The following RNF10 variants were observed in gnomAD, a reference collection of about 807,000 sequenced individuals.
RNF10 encodes the protein ring finger protein 10.
In RNF10, 38 loss-of-function variants were observed where a neutral mutation model predicts 91.4. The ratio of observed to expected loss-of-function variants is 0.42; its 90% CI spans 0.32 to 0.54. The LOEUF (loss-of-function observed/expected upper bound fraction) is 0.54, where lower values mean the gene tolerates loss of function less well. Among genes scored for constraint, RNF10 ranks in the 20% least tolerant of loss-of-function variants. The probability of loss-of-function intolerance (pLI) is 0.16; values close to 1 mark genes in which losing one functional copy is unlikely to be tolerated. For synonymous variants in RNF10, 364 were observed against 366.3 expected, an observed-to-expected ratio of 0.99 and a Z score of 0.07; for missense variants, 945 against 1,012.0, an observed-to-expected ratio of 0.93 and a Z score of 0.90.
At chr12:120,539,673 A>G (rs1786856274) in intron 1 of RNF10, among the ~76,000 whole-genome samples, 1 of 152,162 alleles carries the variant, frequency 6.6e-6, no homozygotes, top group Non-Finnish European at 1.5e-5. Flanking sequence ...AGACCTTTCC[A>G]TTAGGGAAAT....
chr12:120,539,501 C>T, intron 1 of RNF10: 1 of 1,105,664 alleles, frequency 9.0e-7, no homozygotes, highest in Non-Finnish European at 1.2e-6. Flanking sequence ...CAGCATGAAT[C>T]AGCAGCAGAA....
Position 120,566,953 on chromosome 12 carries a change from C to G in RNF10, c.2014C>G (p.Leu672Val), listed in dbSNP as rs370094183. 1.2e-6 allele frequency: 2 copies of G among 1,608,418 alleles called. No homozygotes were observed. The highest frequency in any genetic ancestry group is 1.7e-6 in the Non-Finnish European group (2 of 1,178,690). ...CCATGGGGCCCTCTCCATTTCTCCT[C>G]TCAGCAGAAGTCCAGGTTCCCATGC... is the stretch of plus-strand genomic sequence containing the variant. The part of the protein sequence containing the change: ...EGHGALSISP[L>V]SRSPGSHADF... The change falls in exon 13 of 17, where the codon CTC (leucine) becomes GTC (valine). Residue 672 changes from leucine to valine, a missense_variant. Leu to Val is a conservative substitution (Grantham distance 32, BLOSUM62 1). Coordinates refer to ENST00000325954, the MANE Select transcript of RNF10 (RefSeq NM_014868.5).
chr12:120,564,422 A>G (rs1393855399), intron 10 of RNF10, among the ~76,000 whole-genome samples: 6 of 152,168 alleles, frequency 3.9e-5, no homozygotes, highest in Admixed American at 3.9e-4. Flanking sequence ...AGATTGCTTG[A>G]GGCTAGGAGT....
chr12:120,563,633 C>T lies in RNF10; in HGVS notation c.1531+10C>T. 6.3e-7 allele frequency: 1 copy of T among 1,585,680 alleles called. No individual in the cohort carries two copies. The highest frequency in any genetic ancestry group is 1.2e-5 in the South Asian group (1 of 86,028). ...TACTACTTTTACCAAGGTGAGGGTG[C>T]CGGAAGAGAGGGCTGGGTTGCCGCA... On this transcript the variant is annotated intron_variant, in intron 9 of 16. Coordinates refer to ENST00000325954, the MANE Select transcript of RNF10 (RefSeq NM_014868.5).
intron 13 of RNF10, among the ~76,000 whole-genome samples, chr12:120,568,020 G>T (rs1193176543): frequency 6.6e-6 from 1 of 152,138 alleles, no homozygotes; most frequent in Admixed American, 6.6e-5. Flanking sequence ...CACTTTGGGA[G>T]GCCAAGGTGG....
At chr12:120,568,460 G>T (rs1876105567) in intron 13 of RNF10, among the ~76,000 whole-genome samples, 1 of 150,680 alleles carries the variant, frequency 6.6e-6, no homozygotes, top group Admixed American at 6.8e-5. Flanking sequence ...CATCTGCCTG[G>T]CACATGGTTT....
In RNF10 at chr12:120,574,936, CAA is replaced by C; in HGVS notation, c.2143-688_2143-687del. ...GAGCGAAACTCCATCTCGAACAAAA[CAA>C]AAAAAACTGGAGGGTACTAGGCCGG... On this transcript the variant is annotated intron_variant, in intron 14 of 16. Coordinates refer to ENST00000325954, the MANE Select transcript of RNF10 (RefSeq NM_014868.5). The C allele has an allele frequency of 1.7e-5, 3 of 171,936 alleles. 1 individual carries two copies. Among genetic ancestry groups the C allele is most frequent in the Non-Finnish European group, 3.5e-5 (3 of 85,196 alleles). 10.7% of individuals were successfully genotyped at this position (171,936 alleles called of 1,614,324 possible). A position where few individuals can be genotyped will look rare whatever the true frequency, so the allele number is the denominator to read the frequency against.
intron 12 of RNF10, among the ~76,000 whole-genome samples, chr12:120,566,300 C>T (rs900537879): frequency 2.0e-5 from 3 of 152,086 alleles, no homozygotes; most frequent in African/African-American, 7.2e-5. Flanking sequence ...ATGTAATTAA[C>T]CTGCATGTTT....
At chr12:120,566,102 C>G (rs113611687) in intron 12 of RNF10, among the ~76,000 whole-genome samples, 3 of 152,128 alleles carry the variant, frequency 2.0e-5, no homozygotes, top group Non-Finnish European at 4.4e-5. Flanking sequence ...AAAAGGACTT[C>G]GGTGTTTTGA....
chr12:120,564,539 C>T (rs1875383461), intron 10 of RNF10, among the ~76,000 whole-genome samples: 1 of 152,100 alleles, frequency 6.6e-6, no homozygotes, highest in Admixed American at 6.6e-5. Flanking sequence ...GCAGAAGGAT[C>T]ACCTGAGCTG....
chr12:120,559,119 T>G (rs916357677), intron 6 of RNF10, among the ~76,000 whole-genome samples: 2 of 151,480 alleles, frequency 1.3e-5, no homozygotes, highest in African/African-American at 4.8e-5. Flanking sequence ...AATTTTTTAT[T>G]TTTATTTTTA....
In RNF10 at chr12:120,539,136, TTTTC is replaced by T. The variant is rs573930167; in HGVS notation, c.157+4175_157+4178del. On this transcript the variant is annotated intron_variant, in intron 1 of 16. Coordinates refer to ENST00000325954, the MANE Select transcript of RNF10 (RefSeq NM_014868.5). ...CACTATGGTAGGCATTTTACAGAAG[TTTTC>T]TTTCTTAATCCTCATGATTCTATGA... Among the ~76,000 whole-genome samples, 6 of 152,230 alleles carry T rather than the reference TTTTC, an allele frequency of 3.9e-5. No individual in the cohort carries two copies. In the South Asian group the frequency reaches 1.0e-3, roughly 26 times the overall value.
chr12:120,575,468 A>G (rs1877261051), intron 14 of RNF10, 163 bp from the exon 15 acceptor site: 1 of 715,762 alleles, frequency 1.4e-6, no homozygotes, highest in East Asian at 2.5e-5. Flanking sequence ...GCCAGGATAT[A>G]GAGGACATGA....
intron 4 of RNF10, among the ~76,000 whole-genome samples, chr12:120,555,908 C>A (rs892983437): frequency 1.3e-5 from 2 of 151,936 alleles, no homozygotes; most frequent in African/African-American, 4.8e-5. Context: ...CATGCCTCAG[C>A]CTCCTGAGTA....
intron 1 of RNF10, among the ~76,000 whole-genome samples, chr12:120,544,895 T>C (rs1872085268): frequency 6.6e-6 from 1 of 152,146 alleles, no homozygotes; most frequent in Non-Finnish European, 1.5e-5. Flanking sequence ...CAATGGGGGA[T>C]TGGTTACATT....
Position 120,557,583 on chromosome 12 carries a change from G to A in RNF10, c.868G>A (p.Asp290Asn), listed in dbSNP as rs2137203309. The A allele has an allele frequency of 6.2e-7, 1 of 1,614,210 alleles. No homozygotes were observed. The highest frequency in any genetic ancestry group is 1.1e-5 in the South Asian group (1 of 91,082). Residue 290 changes from aspartate to asparagine, a missense_variant, in exon 6 of 17, where the codon GAT (aspartate) becomes AAT (asparagine). Physicochemically the swap from Asp to Asn is conservative, Grantham distance 23. Transcript: ENST00000325954. ...ATESHQYVVG[D>N]TITMQLMKRE... ...AGAGTCACATCAGTATGTTGTTGGT[G>A]ATACCATTACGATGCAGCTGATGAA...
At chr12:120,575,546 C>A in intron 14 of RNF10, 85 bp from the exon 15 acceptor site, 2 of 1,438,156 alleles carry the variant, frequency 1.4e-6, no homozygotes, top group South Asian at 1.2e-5. Flanking sequence ...GGTTCTGTGC[C>A]TCTCCAGTTA....
rs1877480101 is a variant in RNF10, at chr12:120,576,985, T to G, written c.*319T>G. On this transcript the variant is annotated 3_prime_UTR_variant, in exon 17 of 17. Transcript: ENST00000325954. ...AACCCAAAGTAAGATTGAGTCCCCT[T>G]TGAGATGCATTAGAGCAGTCCAACC... The G allele has an allele frequency of 2.8e-6, 1 of 360,948 alleles. No homozygotes were observed. Among genetic ancestry groups the G allele is most frequent in the Non-Finnish European group, 5.3e-6 (1 of 189,418 alleles). 22.4% of individuals were successfully genotyped at this position (360,948 alleles called of 1,614,324 possible).
intron 14 of RNF10, among the ~76,000 whole-genome samples, chr12:120,574,059 C>T (rs1388268917): frequency 1.3e-5 from 2 of 152,166 alleles, no homozygotes; most frequent in Non-Finnish European, 1.5e-5. Context: ...CCATTAGGTC[C>T]CCACTTCCAG....
Sources: allele counts gnomAD v4.1 joint callset (sites outside exome capture counted in the v4.1 genomes callset), GRCh38; gene constraint gnomAD v4.1.1; transcripts MANE v1.5; gene names NCBI Gene and HGNC (gene_info 2026-07-23, HGNC 2026-07-21).